PPIL6: variants seen among roughly 807,000 people sequenced by gnomAD.
PPIL6 encodes the protein peptidylprolyl isomerase like 6, also known as probable inactive peptidyl-prolyl cis-trans isomerase-like 6.
In PPIL6, 39 loss-of-function variants were observed where a neutral mutation model predicts 36.8. The ratio of observed to expected loss-of-function variants is 1.06; its 90% confidence interval spans 0.82 to 1.38. The LOEUF (loss-of-function observed/expected upper bound fraction) is 1.38, where lower values mean the gene tolerates loss of function less well. Ranked by LOEUF, PPIL6 falls within the 40% of genes most tolerant of loss-of-function variation. PPIL6 has a pLI of 0.00. For missense variants in PPIL6, 368 were observed against 379.1 expected (o/e 0.97, Z 0.24); for synonymous variants, 123 against 134.1 (o/e 0.92, Z 0.57).
At chr6:109,394,215 T>C (rs1180880370) in intron 7 of PPIL6, among the ~76,000 whole-genome samples, 1 of 151,792 alleles carries the variant, frequency 6.6e-6, no homozygotes, top group Non-Finnish European at 1.5e-5. Context: ...TCTAATAAAA[T>C]ACCAAAAATT....
Position 109,392,584 on chromosome 6 carries a change from G to C in PPIL6, c.*242C>G, listed in dbSNP as rs1224393438. On this transcript the variant is annotated 3_prime_UTR_variant, in exon 8 of 8. Coordinates refer to ENST00000521072, the MANE Select transcript of PPIL6 (RefSeq NM_173672.5). ...CGTTCTATTCCTGTCCCACTGGCCA[G>C]AACCATCTCTCATGGCCACCCGTGG... 1 of 432,238 alleles carries C rather than the reference G, an allele frequency of 2.3e-6. No homozygotes were observed. The highest frequency in any genetic ancestry group is 2.1e-5 in the African/African-American group (1 of 48,634). 26.8% of individuals were successfully genotyped at this position (432,238 alleles called of 1,614,324 possible).
Position 109,390,536 on chromosome 6 carries a change from G to T in PPIL6, c.*2290C>A, listed in dbSNP as rs548701346. On this transcript the variant is annotated 3_prime_UTR_variant, in exon 8 of 8. Coordinates refer to ENST00000521072, the MANE Select transcript of PPIL6 (RefSeq NM_173672.5). The stretch of plus-strand genomic sequence containing the variant: ...CCTCAGGTCTTAGCATAAAGCATAT[G>T]TCATATAGCAATAAAGCTGTCATTA... 15 of 152,338 alleles carry T rather than the reference G, an allele frequency of 9.8e-5. No individual in the cohort carries two copies. The highest frequency in any genetic ancestry group is 3.6e-4 in the African/African-American group (15 of 41,564). 9.4% of individuals were successfully genotyped at this position (152,338 alleles called of 1,614,324 possible).
intron 6 of PPIL6, among the ~76,000 whole-genome samples, chr6:109,414,477 C>CTTTT (rs146541023): frequency 4.9e-4 from 42 of 86,538 alleles, no homozygotes; most frequent in East Asian, 1.3e-3. Context: ...TGTCTTTTAG[C>CTTTT]TTTTTTTTTT....
At chr6:109,406,151 C>T (rs1367711378) in intron 6 of PPIL6, among the ~76,000 whole-genome samples, 5 of 151,526 alleles carry the variant, frequency 3.3e-5, no homozygotes, top group East Asian at 3.9e-4. Context: ...CTCCCCAGCT[C>T]GAGATCCTCC....
chr6:109,400,695 T>G (rs932511050), intron 6 of PPIL6, among the ~76,000 whole-genome samples: 1 of 152,194 alleles, frequency 6.6e-6, no homozygotes, highest in African/African-American at 2.4e-5. Flanking sequence ...GAACCTTGTC[T>G]CCTCATGGCT....
chr6:109,421,665 G>C (rs1773544926), intron 5 of PPIL6, among the ~76,000 whole-genome samples: 1 of 152,168 alleles, frequency 6.6e-6, no homozygotes, highest in Non-Finnish European at 1.5e-5. Flanking sequence ...CTTATGAATA[G>C]AGGAAATGCG....
At chr6:109,417,326 T>C (rs1003083366) in intron 6 of PPIL6, among the ~76,000 whole-genome samples, 8 of 150,386 alleles carry the variant, frequency 5.3e-5, no homozygotes, top group African/African-American at 2.0e-4. Context: ...GGTGGGAAGA[T>C]TGCTTGAGCC....
rs1039400682 is a variant in PPIL6 at position 109,432,345 on chromosome 6, A to G, written c.232-1000T>C. Among the ~76,000 whole-genome samples the G allele has an allele frequency of 5.9e-5, 9 of 152,140 alleles. No individual in the cohort carries two copies. In the East Asian group the frequency reaches 1.7e-3, roughly 29 times the overall value. On this transcript the variant is annotated intron_variant, in intron 2 of 7. Transcript: ENST00000521072. ...CAGTGCCTTCAGCCCCTCAAAATGCAGTGTGTTAGTGTTTTCATCAACACA... is the reference window on the plus strand; with the variant it reads ...CAGTGCCTTCAGCCCCTCAAAATGCGGTGTGTTAGTGTTTTCATCAACACA...
chr6:109,424,434 A>T (rs1428003199), intron 5 of PPIL6, among the ~76,000 whole-genome samples: 1 of 152,202 alleles, frequency 6.6e-6, no homozygotes, highest in Non-Finnish European at 1.5e-5. Context: ...TTAGTCCCAA[A>T]GGGCAAGCAA....
At chr6:109,408,842 T>C (rs747103314) in intron 6 of PPIL6, among the ~76,000 whole-genome samples, 1 of 152,178 alleles carries the variant, frequency 6.6e-6, no homozygotes, top group Non-Finnish European at 1.5e-5. Flanking sequence ...TTCCTCCTCC[T>C]GAGGGAATAC....
rs1772136898 is a variant in PPIL6, at chr6:109,392,641, C to A, written c.*185G>T. 1.9e-6 allele frequency: 1 copy of A among 525,872 alleles called. No homozygotes were observed. Among genetic ancestry groups the A allele is most frequent in the Non-Finnish European group, 3.3e-6 (1 of 300,248 alleles). The allele number at this position is 525,872 out of a possible 1,614,324, so 32.6% of individuals were successfully genotyped here. On this transcript the variant is annotated 3_prime_UTR_variant, in exon 8 of 8. Transcript: ENST00000521072. ...AGGAGTCTAGGAAATTGAGTACCACCCTTTCACAGTCTCTATGACAGAGAC... is the reference window on the plus strand; with the variant it reads ...AGGAGTCTAGGAAATTGAGTACCACACTTTCACAGTCTCTATGACAGAGAC...
chr6:109,440,602 G>A lies in PPIL6; in HGVS notation c.-12C>T. ...TGCGGCCTTGCCATGGCCGCGCCCG[G>A]GGACGCCCGGTGACCCCAAACACTG... On this transcript the variant is annotated 5_prime_UTR_variant, in exon 1 of 8. Transcript: ENST00000521072. The A allele has an allele frequency of 7.5e-7, 1 of 1,334,034 alleles. No individual in the cohort carries two copies. Among genetic ancestry groups the A allele is most frequent in the South Asian group, 1.8e-5 (1 of 55,626 alleles). The allele number at this position is 1,334,034 out of a possible 1,614,324, so 82.6% of individuals were successfully genotyped here.
At chr6:109,422,714 G>T (rs1188416091) in intron 5 of PPIL6, among the ~76,000 whole-genome samples, 1 of 152,142 alleles carries the variant, frequency 6.6e-6, no homozygotes, top group African/African-American at 2.4e-5. Context: ...CTAGTAGTTA[G>T]AAAAACACAG....
chr6:109,403,087 C>G (rs1210493529), intron 6 of PPIL6: 1 of 1,529,138 alleles, frequency 6.5e-7, no homozygotes, highest in Admixed American at 2.0e-5. Flanking sequence ...CTTTACACTT[C>G]TTTTCAAGCT....
chr6:109,395,598 C>T (rs1361585296), intron 7 of PPIL6, among the ~76,000 whole-genome samples: 3 of 142,056 alleles, frequency 2.1e-5, no homozygotes, highest in Admixed American at 7.5e-5. Flanking sequence ...TCACCCCCGA[C>T]TCTAACTTCT....
intron 2 of PPIL6, among the ~76,000 whole-genome samples, chr6:109,433,394 A>AAAATAG (rs1166120339): frequency 6.6e-6 from 1 of 152,214 alleles, no homozygotes; most frequent in East Asian, 1.9e-4. Context: ...AAAAAATGTC[A>AAAATAG]CTGTGGATAT....
intron 6 of PPIL6, among the ~76,000 whole-genome samples, chr6:109,418,793 C>T (rs748130940): frequency 6.6e-6 from 1 of 152,126 alleles, no homozygotes; most frequent in African/African-American, 2.4e-5. Context: ...CCACCCACCT[C>T]GGCCTCCCAA....
chr6:109,436,018 T>G (rs752006407), intron 2 of PPIL6, 86 bp downstream of exon 2: 9 of 777,776 alleles, frequency 1.2e-5, no homozygotes, highest in Admixed American at 8.2e-5. Flanking sequence ...AAAATTACTC[T>G]TTCAGTTTTT....
chr6:109,440,736 G>C, upstream of PPIL6: 2 of 480,890 alleles, frequency 4.2e-6, no homozygotes, highest in Non-Finnish European at 5.9e-6. Flanking sequence ...TCAACTTTGC[G>C]CCTGTTGCTG....
Sources: allele counts gnomAD v4.1 joint callset (sites outside exome capture counted in the v4.1 genomes callset), GRCh38; gene constraint gnomAD v4.1.1; transcripts MANE v1.5; gene names NCBI Gene and HGNC (gene_info 2026-07-23, HGNC 2026-07-21).